Variants in DAB2IP observed in about 807,000 individuals in gnomAD.
DAB2IP encodes disabled homolog 2-interacting protein.
In DAB2IP, 28 loss-of-function variants were observed where a neutral mutation model predicts 107.2. The ratio of observed to expected loss-of-function variants is 0.26; its 90% CI spans 0.19 to 0.36. The LOEUF (loss-of-function observed/expected upper bound fraction) is 0.36, where lower values mean the gene tolerates loss of function less well. Ranked by LOEUF, DAB2IP falls within the 10% of genes least tolerant of loss-of-function variation. The pLI is 1.00. For synonymous variants in DAB2IP, 755 were observed against 706.4 expected (o/e 1.07, Z -1.09); for missense variants, 1,400 against 1,644.7 (o/e 0.85, Z 2.57).
Position 121,662,459 on chromosome 9 carries a change from A to G in DAB2IP, c.124+10560A>G, listed in dbSNP as rs550147823. Among the ~76,000 whole-genome samples the G allele has an allele frequency of 1.3e-5, 2 of 152,380 alleles. No homozygotes were observed. Among genetic ancestry groups the G allele is most frequent in the East Asian group, 1.9e-4 (1 of 5,186 alleles). ...GGAGTTATATGAAATTCAAATTTCA[A>G]TGCCCATAAATAAAGTTTTATTGGA... On this transcript the variant is annotated intron_variant, in intron 1 of 15. Transcript: ENST00000408936. The surrounding 1 kb of genome is among the most constrained non-coding windows in gnomAD (Gnocchi z 4.6).
At chr9:121,668,865 C>G (rs919040877) in intron 1 of DAB2IP, among the ~76,000 whole-genome samples, 3 of 148,060 alleles carry the variant, frequency 2.0e-5, no homozygotes, top group Non-Finnish European at 3.0e-5. Flanking sequence ...ATCACATAGA[C>G]AGCAAGTGTA....
intron 1 of DAB2IP, among the ~76,000 whole-genome samples, chr9:121,598,826 G>C (rs1475639848): frequency 6.6e-6 from 1 of 152,258 alleles, no homozygotes; most frequent in African/African-American, 2.4e-5. Context: ...CGCCACCACG[G>C]TCCGAAAAGC....
intron 2 of DAB2IP, 142 bp downstream of exon 2, chr9:121,678,923 C>T (rs1002353362): frequency 3.9e-5 from 30 of 771,590 alleles, no homozygotes; most frequent in South Asian, 1.2e-4. Context: ...TCTAGGTATC[C>T]GATCCCTCAG....
chr9:121,611,056 A>G (rs1248535979), intron 1 of DAB2IP, among the ~76,000 whole-genome samples: 1 of 151,838 alleles, frequency 6.6e-6, no homozygotes. Flanking sequence ...GCTCACTGCA[A>G]CCTCTGCTTC....
intron 1 of DAB2IP, among the ~76,000 whole-genome samples, chr9:121,631,003 C>T (rs1564122094): frequency 6.6e-6 from 1 of 152,260 alleles, no homozygotes; most frequent in East Asian, 1.9e-4. Context: ...TAAAGGGCTC[C>T]TGCTGAGGCC....
intron 1 of DAB2IP, among the ~76,000 whole-genome samples, chr9:121,598,928 G>A (rs1420011907): frequency 3.3e-5 from 5 of 152,224 alleles, no homozygotes; most frequent in African/African-American, 7.2e-5. Flanking sequence ...GCTGAAGCGG[G>A]TCGCAGACGT....
intron 3 of DAB2IP, among the ~76,000 whole-genome samples, chr9:121,721,903 G>C (rs1306420120): frequency 6.6e-6 from 1 of 151,708 alleles, no homozygotes; most frequent in East Asian, 1.9e-4. Flanking sequence ...GGGAAGTGAG[G>C]GGCGGAACTG....
At position 121,759,960 on chromosome 9, in the gene DAB2IP, T is replaced by C; in HGVS notation, c.691T>C (p.Tyr231His). Residue 231 changes from tyrosine (Y) to histidine (H), a missense_variant, in exon 6 of 16, where the codon TAC becomes CAC. Physicochemically the swap from Tyr to His is moderately conservative, Grantham distance 83 (BLOSUM62 2). Around this residue, in one of 3 missense-constraint regions of DAB2IP, gnomAD observed 517 missense variants for 748.6 expected, o/e 0.69. Transcript: ENST00000408936. ...CAAGGACCTGCCAGCCAAGAAGAAG[T>C]ACCTGTGCGAGCTGTGCCTGGACGA... The C allele has an allele frequency of 1.9e-6, 3 of 1,614,110 alleles. No individual in the cohort carries two copies. The East Asian group carries it at 6.7e-5, about 36-fold the overall frequency.
Position 121,755,447 on chromosome 9 carries a change from G to C in DAB2IP, c.363-1566G>C, listed in dbSNP as rs146478630. On this transcript the variant is annotated intron_variant, in intron 3 of 15. Coordinates refer to ENST00000408936, the Ensembl canonical transcript of DAB2IP. ...TGTCTCACAGTTTTCCTCTGGCTCT[G>C]CCCATTCCCTCTGCTTTCAGAGGCC... Among the ~76,000 whole-genome samples, 1,410 of 152,348 alleles carry C rather than the reference G, an allele frequency of 9.3e-3. 19 individuals carry two copies. The highest frequency in any genetic ancestry group is 0.031 in the African/African-American group (1,269 of 41,578).
intron 1 of DAB2IP, among the ~76,000 whole-genome samples, chr9:121,620,732 C>T (rs1462881782): frequency 6.6e-6 from 1 of 152,134 alleles, no homozygotes; most frequent in Non-Finnish European, 1.5e-5. Context: ...TCTATTGAGA[C>T]TTCTCTGTTG....
Position 121,772,640 on chromosome 9 carries a change from C to A in DAB2IP, c.2112C>A (p.Thr704=). The A allele has an allele frequency of 6.2e-7, 1 of 1,613,960 alleles. No homozygotes were observed. Among genetic ancestry groups the A allele is most frequent in the Non-Finnish European group, 8.5e-7 (1 of 1,179,898 alleles). ...ATTTCACCCGGTTACCGTCTCCAACCCCCGAAAACAAGGACTTGTTTTTTG... is the reference window on the plus strand; with the variant it reads ...ATTTCACCCGGTTACCGTCTCCAACACCCGAAAACAAGGACTTGTTTTTTG... Residue 704 remains threonine (T), a synonymous_variant, in exon 12 of 16, where the codon ACC becomes ACA. Coordinates refer to ENST00000408936, the Ensembl canonical transcript of DAB2IP. This position sits in a 1 kb window ranked among gnomAD's most constrained non-coding sequence, Gnocchi z 4.7.
At chr9:121,723,221 G>A (rs79873739) in intron 3 of DAB2IP, among the ~76,000 whole-genome samples, 9,984 of 152,330 alleles carry the variant, frequency 0.066, 745 homozygotes, top group African/African-American at 0.18. Context: ...GACTCAGGCC[G>A]TGGGCTGCCT....
chr9:121,605,977 A>C (rs1830857276), intron 1 of DAB2IP, among the ~76,000 whole-genome samples: 1 of 152,218 alleles, frequency 6.6e-6, no homozygotes, highest in South Asian at 2.1e-4. Context: ...CCACAGAAAC[A>C]TCTGTCCCTG....
chr9:121,581,502 C>T (rs768865191), intron 1 of DAB2IP, among the ~76,000 whole-genome samples: 9 of 152,192 alleles, frequency 5.9e-5, no homozygotes, highest in Non-Finnish European at 1.0e-4. Flanking sequence ...TGCCAGAGCT[C>T]ATAGAACTCT....
chr9:121,699,430 G>A lies in DAB2IP; in HGVS notation c.334G>A (p.Ala112Thr), dbSNP rs751361568. ...CCACATCCTGCCGGGGTTCCGGAGC[G>A]CCGCCGCCGCCGCCGCGGACAATGA... is the stretch of plus-strand genomic sequence containing the variant. The change falls in exon 3 of 16, where the codon GCC becomes ACC. Residue 112 changes from alanine to threonine, a missense_variant. Ala to Thr is a moderately conservative substitution (Grantham distance 58). This residue lies in a region of DAB2IP where 283 missense variants were observed against 237.0 expected (regional missense o/e 1.19). Transcript: ENST00000408936. This position sits in a 1 kb window ranked among gnomAD's most constrained non-coding sequence, Gnocchi z 6.2. 14 of 1,392,180 alleles carry A rather than the reference G, an allele frequency of 1.0e-5. No individual in the cohort carries two copies. Among genetic ancestry groups the A allele is most frequent in the Middle Eastern group, 1.9e-4 (1 of 5,154 alleles). The allele number at this position is 1,392,180 out of a possible 1,614,324, so 86.2% of individuals were successfully genotyped here.
At chr9:121,597,689 T>G (rs1008198080) in intron 1 of DAB2IP, among the ~76,000 whole-genome samples, 1 of 152,192 alleles carries the variant, frequency 6.6e-6, no homozygotes, top group Non-Finnish European at 1.5e-5. Context: ...TAAAACTCCC[T>G]TTTTGCAGAA....
At chr9:121,655,773 T>C (rs1832945020) in intron 1 of DAB2IP, among the ~76,000 whole-genome samples, 1 of 152,146 alleles carries the variant, frequency 6.6e-6, no homozygotes, top group Admixed American at 6.5e-5. Flanking sequence ...ATCTGAGTTT[T>C]TCTAGGGGTC....
chr9:121,761,973 A>G (rs77843389), intron 6 of DAB2IP, among the ~76,000 whole-genome samples: 2 of 152,092 alleles, frequency 1.3e-5, no homozygotes, highest in Non-Finnish European at 2.9e-5. Context: ...AATGATAGGT[A>G]TGTCCAGGTG....
At chr9:121,678,860 C>T (rs746460919) in intron 2 of DAB2IP, 79 bp downstream of exon 2, 88 of 1,304,424 alleles carry the variant, frequency 6.7e-5, no homozygotes, top group South Asian at 1.1e-4. Context: ...TGTGACCCCA[C>T]GGCCCCCCTT....
Sources: gnomAD v4.1 joint callset for allele counts (sites outside exome capture counted in the v4.1 genomes callset) on GRCh38, gnomAD v4.1.1 for gene constraint, gnomAD v4.1.1 regional missense constraint, Gnocchi (gnomAD v3.1) non-coding constraint, MANE v1.5 for transcripts, NCBI Gene and HGNC (gene_info 2026-07-23, HGNC 2026-07-21) for gene names.